The following GRID2 variants were observed in gnomAD, a reference collection of about 807,000 sequenced individuals.
The protein encoded by GRID2 is glutamate ionotropic receptor delta type subunit 2, also known as glutamate receptor ionotropic, delta-2.
Under a neutral mutation model 114.8 loss-of-function variants are expected in GRID2, and 33 were observed. The ratio of observed to expected loss-of-function variants is 0.29; its 90% CI spans 0.22 to 0.38. The LOEUF is 0.38. Among genes scored for constraint, GRID2 ranks in the 10% least tolerant of loss-of-function variants. The pLI, the probability that GRID2 is intolerant of heterozygous loss-of-function variation, is 1.00. For synonymous variants in GRID2, 505 were observed against 449.9 expected, an observed-to-expected ratio of 1.12 and a Z score of -1.55; for missense variants, 1,184 against 1,257.7, an observed-to-expected ratio of 0.94 and a Z score of 0.89.
At chr4:92,571,718 G>T (rs961710615) in intron 1 of GRID2, among the ~76,000 whole-genome samples, 1 of 152,036 alleles carries the variant, frequency 6.6e-6, no homozygotes, top group African/African-American at 2.4e-5. Flanking sequence ...TAGAACTCAG[G>T]ATTAAGAAAC....
At chr4:93,572,878 A>G (rs1736061051) in intron 13 of GRID2, among the ~76,000 whole-genome samples, 1 of 152,136 alleles carries the variant, frequency 6.6e-6, no homozygotes. Context: ...GCAGCCTCTC[A>G]CTTATTTTCT....
intron 11 of GRID2, among the ~76,000 whole-genome samples, chr4:93,457,951 G>T (rs191470266): frequency 0.24 from 36,661 of 152,044 alleles, 5,411 homozygotes; most frequent in Non-Finnish European, 0.34. Context: ...ATGCACAGAA[G>T]AGACATCTGG....
intron 4 of GRID2, among the ~76,000 whole-genome samples, chr4:93,145,193 A>G (rs966125845): frequency 2.0e-5 from 3 of 152,114 alleles, no homozygotes; most frequent in Admixed American, 6.6e-5. Context: ...GTTGCACCAT[A>G]TATTTTAGTT....
At chr4:92,321,589 T>C (rs1164978270) in intron 1 of GRID2, among the ~76,000 whole-genome samples, 1 of 152,178 alleles carries the variant, frequency 6.6e-6, no homozygotes, top group African/African-American at 2.4e-5. Flanking sequence ...AATAAGTCGG[T>C]CCATTGTAAA....
chr4:93,169,298 T>C (rs543775409), intron 4 of GRID2, among the ~76,000 whole-genome samples: 1 of 152,264 alleles, frequency 6.6e-6, no homozygotes, highest in South Asian at 2.1e-4. Flanking sequence ...AGTTGAAATA[T>C]AGCAAATTAT....
At chr4:93,032,556 T>C (rs112136999) in intron 2 of GRID2, among the ~76,000 whole-genome samples, 3,839 of 152,242 alleles carry the variant, frequency 0.025, 83 homozygotes, top group African/African-American at 0.054. Context: ...TTAACTCTTA[T>C]CTTAATTAGA....
At chr4:93,071,613 G>A (rs1476751802) in intron 2 of GRID2, among the ~76,000 whole-genome samples, 4 of 151,974 alleles carry the variant, frequency 2.6e-5, no homozygotes, top group African/African-American at 4.8e-5. Context: ...GGAATATCTA[G>A]GTGAGGAGTA....
rs1034099535 is a variant in GRID2 at position 93,203,434 on chromosome 4, T to A, written c.736-3970T>A. Among the ~76,000 whole-genome samples the A allele has an allele frequency of 2.6e-5, 4 of 152,276 alleles. No individual in the cohort carries two copies. The East Asian group carries it at 7.7e-4, about 29-fold the overall frequency. On this transcript the variant is annotated intron_variant, in intron 4 of 15. Coordinates refer to ENST00000282020, the MANE Select transcript of GRID2 (RefSeq NM_001510.4). The stretch of plus-strand genomic sequence containing the variant: ...CAAGACATATCTGTTTTTTTATTCT[T>A]AAGGACCATTCTAGTATAATTCGTT...
intron 1 of GRID2, among the ~76,000 whole-genome samples, chr4:92,494,183 T>C (rs1192644033): frequency 6.6e-6 from 1 of 152,122 alleles, no homozygotes; most frequent in Non-Finnish European, 1.5e-5. Context: ...TCTATTATGT[T>C]GATGTGAACA....
chr4:93,541,199 C>A (rs569556240), intron 13 of GRID2, among the ~76,000 whole-genome samples: 162 of 152,190 alleles, frequency 1.1e-3, no homozygotes, highest in African/African-American at 3.9e-3. Context: ...GACATTTTCC[C>A]AAAAGGCACT....
chr4:92,762,990 G>T (rs774764158), intron 2 of GRID2, among the ~76,000 whole-genome samples: 22 of 152,110 alleles, frequency 1.4e-4, no homozygotes, highest in Non-Finnish European at 2.2e-4. Context: ...TATTGAGGGG[G>T]TTGTGTTATA....
At chr4:93,316,733 T>C (rs1325460396) in intron 8 of GRID2, among the ~76,000 whole-genome samples, 2 of 152,204 alleles carry the variant, frequency 1.3e-5, no homozygotes, top group East Asian at 3.9e-4. Flanking sequence ...TACTTGGCTG[T>C]ATTTCAGATT....
intron 2 of GRID2, among the ~76,000 whole-genome samples, chr4:92,718,356 G>T (rs1478131246): frequency 6.6e-6 from 1 of 151,936 alleles, no homozygotes; most frequent in Non-Finnish European, 1.5e-5. Flanking sequence ...CAGTAAAAGG[G>T]TAATTATGGA....
intron 2 of GRID2, among the ~76,000 whole-genome samples, chr4:92,751,443 T>C (rs1203010655): frequency 3.3e-5 from 5 of 152,232 alleles, no homozygotes; most frequent in African/African-American, 1.2e-4. Flanking sequence ...TATTGACTTT[T>C]AATACAGTTA....
At chr4:93,531,015 G>A (rs1046334576) in intron 13 of GRID2, among the ~76,000 whole-genome samples, 1 of 152,086 alleles carries the variant, frequency 6.6e-6, no homozygotes, top group African/African-American at 2.4e-5. Context: ...CAGTTTAAAT[G>A]CTATCAGTCT....
At chr4:92,459,356 T>C (rs1721368747) in intron 1 of GRID2, among the ~76,000 whole-genome samples, 1 of 152,222 alleles carries the variant, frequency 6.6e-6, no homozygotes, top group Admixed American at 6.5e-5. Context: ...GTGTATTATA[T>C]ACTAGCGTAA....
chr4:93,177,168 A>C (rs1739421970), intron 4 of GRID2, among the ~76,000 whole-genome samples: 1 of 152,192 alleles, frequency 6.6e-6, no homozygotes, highest in Non-Finnish European at 1.5e-5. Context: ...CCATATATTA[A>C]GTGGGACAAA....
chr4:92,494,046 C>T (rs1723273139), intron 1 of GRID2, among the ~76,000 whole-genome samples: 1 of 152,022 alleles, frequency 6.6e-6, no homozygotes, highest in Admixed American at 6.6e-5. Flanking sequence ...TGTTGCAGAG[C>T]CAAAAAGTTA....
At chr4:93,232,711 ATTTTC>A in intron 7 of GRID2, among the ~76,000 whole-genome samples, 1 of 151,854 alleles carries the variant, frequency 6.6e-6, no homozygotes, top group Non-Finnish European at 1.5e-5. Flanking sequence ...GTACCAGTAC[ATTTTC>A]TTATATTGAT....
Sources: gnomAD v4.1 joint callset for allele counts (sites outside exome capture counted in the v4.1 genomes callset) on GRCh38, gnomAD v4.1.1 for gene constraint, MANE v1.5 for transcripts, NCBI Gene and HGNC (gene_info 2026-07-23, HGNC 2026-07-21) for gene names.